Variants in IPO8 observed in about 807,000 individuals in gnomAD.
The protein encoded by IPO8 is importin 8.
In IPO8, 65 loss-of-function variants were observed where a neutral mutation model predicts 141.2. That is an observed-to-expected ratio of 0.46 (90% CI 0.38 to 0.57). The LOEUF is 0.57. Ranked by LOEUF, IPO8 falls within the 20% of genes least tolerant of loss-of-function variation. IPO8 has a pLI of 0.00. For missense variants in IPO8, 980 were observed against 1,246.8 expected, an observed-to-expected ratio of 0.79 and a Z score of 3.22; for synonymous variants, 411 against 420.3, an observed-to-expected ratio of 0.98 and a Z score of 0.27.
chr12:30,691,128 A>G (rs1013431234), intron 1 of IPO8, among the ~76,000 whole-genome samples: 5 of 152,296 alleles, frequency 3.3e-5, no homozygotes, highest in African/African-American at 9.6e-5. Flanking sequence ...ATTTCTTCCT[A>G]GATTATTTGT....
rs2052902402 is a variant in IPO8, at chr12:30,662,489, T to C, written c.1595-2A>G. 6.2e-7 allele frequency: 1 copy of C among 1,605,618 alleles called. No homozygotes were observed. Among genetic ancestry groups the C allele is most frequent in the Non-Finnish European group, 8.5e-7 (1 of 1,174,212 alleles). ...CATGTGGCTTCATATATTCCTTAGCTAATTCAATAAAACAAACAAAAGTAA... is the reference window on the plus strand; with the variant it reads ...CATGTGGCTTCATATATTCCTTAGCCAATTCAATAAAACAAACAAAAGTAA... On this transcript the variant is annotated splice_acceptor_variant, in intron 14 of 24. Transcript: ENST00000256079. LOFTEE classifies it high-confidence loss of function.
At chr12:30,691,935 T>C (rs1290410078) in intron 1 of IPO8, among the ~76,000 whole-genome samples, 1 of 152,230 alleles carries the variant, frequency 6.6e-6, no homozygotes, top group Non-Finnish European at 1.5e-5. Context: ...AGATCACAAA[T>C]CTGTGGCATG....
chr12:30,663,181 C>T (rs1333356649), intron 14 of IPO8, among the ~76,000 whole-genome samples: 2 of 152,144 alleles, frequency 1.3e-5, no homozygotes, highest in African/African-American at 4.8e-5. Flanking sequence ...TGAGCCTTGA[C>T]AGATCACACA....
intron 10 of IPO8, among the ~76,000 whole-genome samples, chr12:30,668,188 A>G (rs1228309587): frequency 2.0e-5 from 3 of 152,202 alleles, no homozygotes; most frequent in Admixed American, 2.0e-4. Context: ...AAAATAACAA[A>G]TCAAGCAGAT....
At chr12:30,636,687 C>T (rs2052506375) in intron 22 of IPO8, among the ~76,000 whole-genome samples, 1 of 152,060 alleles carries the variant, frequency 6.6e-6, no homozygotes, top group Non-Finnish European at 1.5e-5. Context: ...AGATTGCTAA[C>T]TTACAGTCAA....
At chr12:30,666,750 T>C (rs939820620) in intron 10 of IPO8, among the ~76,000 whole-genome samples, 1 of 152,160 alleles carries the variant, frequency 6.6e-6, no homozygotes, top group Non-Finnish European at 1.5e-5. Flanking sequence ...TATGGGGTGC[T>C]AGTTTAAATA....
At position 30,653,095 on chromosome 12, in the gene IPO8, A is replaced by T. The variant is rs776206340; in HGVS notation, c.1949-3T>A. Reference sequence around the variant, plus strand: ...GGAAAGAATTTCTTCATAGAATTCTAGAAGAAAGAAAATCTCTAGTTAGAA... The same window carrying T: ...GGAAAGAATTTCTTCATAGAATTCTTGAAGAAAGAAAATCTCTAGTTAGAA... On this transcript the variant is annotated splice_polypyrimidine_tract_variant and splice_region_variant and intron_variant, in intron 17 of 24. Coordinates refer to ENST00000256079, the MANE Select transcript of IPO8 (RefSeq NM_006390.4). The T allele has an allele frequency of 1.2e-6, 2 of 1,605,370 alleles. No homozygotes were observed. Among genetic ancestry groups the T allele is most frequent in the African/African-American group, 2.7e-5 (2 of 74,462 alleles).
In IPO8 at chr12:30,671,674, C is replaced by CAAA. The variant is rs71052423; in HGVS notation, c.910-581_910-579dup. On this transcript the variant is annotated intron_variant, in intron 8 of 24. Transcript: ENST00000256079. ...TGGGTGATAGAGCGAGACTCTGCCT[C>CAAA]AAAAAAAAAAAAAAAAAAAAAAAAA... is the stretch of plus-strand genomic sequence containing the variant. Among the ~76,000 whole-genome samples, 104 of 56,458 alleles carry CAAA rather than the reference C, an allele frequency of 1.8e-3. 5 individuals carry two copies. Among genetic ancestry groups the CAAA allele is most frequent in the African/African-American group, 7.0e-3 (96 of 13,620 alleles). The allele number at this position is 56,458 out of a possible 152,430, so 37.0% of individuals were successfully genotyped here.
intron 17 of IPO8, among the ~76,000 whole-genome samples, chr12:30,655,010 C>T (rs11051013): frequency 0.65 from 98,347 of 151,714 alleles, 33,236 homozygotes; most frequent in African/African-American, 0.84. Flanking sequence ...GATGGAGTAC[C>T]AGTCCACCTT....
rs534092100 is a variant in IPO8 at position 30,636,959 on chromosome 12, T to A, written c.2695+23A>T. The A allele has an allele frequency of 3.8e-6, 6 of 1,575,656 alleles. No individual in the cohort carries two copies. In the African/African-American group the frequency reaches 8.1e-5, roughly 21 times the overall value. On this transcript the variant is annotated intron_variant, in intron 22 of 24. Transcript: ENST00000256079. Reference sequence around the variant, plus strand: ...CACAAATCAAAATCAATTGTAACATTAATTTCAATTAGAAGACTTTACCAT... The same window carrying A: ...CACAAATCAAAATCAATTGTAACATAAATTTCAATTAGAAGACTTTACCAT...
chr12:30,695,493 G>C lies in IPO8; in HGVS notation c.84+71C>G. On this transcript the variant is annotated intron_variant, in intron 1 of 24. Transcript: ENST00000256079. This position sits in a 1 kb window ranked among gnomAD's most constrained non-coding sequence, Gnocchi z 4.2. ...GGGGGTGAGGACGAGGGGCGCCGGGGAGAGGGAGCCCGGCCAGCCGGCAGG... is the reference window on the plus strand; with the variant it reads ...GGGGGTGAGGACGAGGGGCGCCGGGCAGAGGGAGCCCGGCCAGCCGGCAGG... 7.3e-7 allele frequency: 1 copy of C among 1,374,144 alleles called. No individual in the cohort carries two copies. Among genetic ancestry groups the C allele is most frequent in the South Asian group, 1.2e-5 (1 of 84,778 alleles). The allele number at this position is 1,374,144 out of a possible 1,614,324, so 85.1% of individuals were successfully genotyped here. A position where few individuals can be genotyped will look rare whatever the true frequency, so the allele number is the denominator to read the frequency against.
Position 30,656,710 on chromosome 12 carries a change from T to C in IPO8, c.1922A>G (p.Asp641Gly). The C allele has an allele frequency of 6.4e-7, 1 of 1,562,752 alleles. No individual in the cohort carries two copies. The highest frequency in any genetic ancestry group is 8.7e-7 in the Non-Finnish European group (1 of 1,147,514). Reference protein sequence around the residue: ...QLENICLRIIDLVLQKHVIEF... With the variant: ...QLENICLRIIGLVLQKHVIEF... ...AATTACATGTTTCTGCAGAACAAGA[T>C]CAATGATCCGTAGACAGATATTCTC... The change falls in exon 17 of 25, where the codon GAT (aspartate) becomes GGT (glycine). Residue 641 changes from aspartate (D) to glycine (G), a missense_variant. This residue lies in a region of IPO8 where 924 missense variants were observed against 1,153.9 expected (regional missense o/e 0.80). Coordinates refer to ENST00000256079, the MANE Select transcript of IPO8 (RefSeq NM_006390.4).
intron 16 of IPO8, among the ~76,000 whole-genome samples, chr12:30,657,511 C>T (rs1244139115): frequency 6.6e-6 from 1 of 152,052 alleles, no homozygotes; most frequent in African/African-American, 2.4e-5. Context: ...ATACAAATGA[C>T]GATGCAAACC....
intron 5 of IPO8, among the ~76,000 whole-genome samples, chr12:30,678,452 T>G (rs956979306): frequency 6.6e-6 from 1 of 152,180 alleles, no homozygotes; most frequent in African/African-American, 2.4e-5. Flanking sequence ...TACAGTAACA[T>G]GTACAGGTTT....
intron 10 of IPO8, among the ~76,000 whole-genome samples, chr12:30,668,952 T>C (rs918862268): frequency 1.3e-5 from 2 of 152,122 alleles, no homozygotes; most frequent in Admixed American, 6.6e-5. Context: ...ATGGCTCAAC[T>C]TGAGCACCCG....
chr12:30,641,894 A>C (rs2136129840), intron 20 of IPO8, among the ~76,000 whole-genome samples: 1 of 152,182 alleles, frequency 6.6e-6, no homozygotes, highest in East Asian at 1.9e-4. Flanking sequence ...ATGAATCTGA[A>C]TTAGAAATAC....
At chr12:30,663,754 G>T in intron 13 of IPO8, 100 bp from the exon 14 acceptor site, 1 of 928,964 alleles carries the variant, frequency 1.1e-6, no homozygotes, top group Non-Finnish European at 1.5e-6. Context: ...TCAATTCTAT[G>T]AAGAAATGTT....
At position 30,677,059 on chromosome 12, in the gene IPO8, T is replaced by G. The variant is rs1008398607; in HGVS notation, c.640-472A>C. 4.6e-6 allele frequency: 7 copies of G among 1,522,504 alleles called. No homozygotes were observed. The African/African-American group carries it at 9.6e-5, about 21-fold the overall frequency. 94.3% of individuals were successfully genotyped at this position (1,522,504 alleles called of 1,614,324 possible). A position where few individuals can be genotyped will look rare whatever the true frequency, so the allele number is the denominator to read the frequency against. ...TATATGGCTCACCTCTGCTGTACTG[T>G]GAGTTGCAGAAGACGGATATTGCCT... On this transcript the variant is annotated intron_variant, in intron 5 of 24. Transcript: ENST00000256079.
chr12:30,666,215 G>A lies in IPO8; in HGVS notation c.1181C>T (p.Ala394Val). 1 of 1,595,788 alleles carries A rather than the reference G, an allele frequency of 6.3e-7. No individual in the cohort carries two copies. Among genetic ancestry groups the A allele is most frequent in the Non-Finnish European group, 8.5e-7 (1 of 1,171,310 alleles). ...TGCAGCAGTATATAAGAGAGTCTGG[G>A]CTGCTGTGGTGGGAGAAGCATAATC... ...FEDYASPTTA[A>V]QTLLYTAAKK... Residue 394 changes from alanine to valine, a missense_variant, in exon 11 of 25, where the codon GCC becomes GTC. By Grantham distance (64) the Ala-to-Val change is moderately conservative. Transcript: ENST00000256079.
Sources: gnomAD v4.1 joint callset for allele counts (sites outside exome capture counted in the v4.1 genomes callset) on GRCh38, gnomAD v4.1.1 for gene constraint, gnomAD v4.1.1 regional missense constraint, Gnocchi (gnomAD v3.1) non-coding constraint, MANE v1.5 for transcripts, NCBI Gene and HGNC (gene_info 2026-07-23, HGNC 2026-07-21) for gene names.